SHISAL1: variants seen among roughly 807,000 people sequenced by gnomAD.
The protein encoded by SHISAL1 is protein shisa-like-1.
SHISAL1 carries 9 observed loss-of-function variants against 22.6 expected under a neutral mutation model. The ratio of observed to expected loss-of-function variants is 0.40; its 90% CI spans 0.24 to 0.70. SHISAL1 has a LOEUF of 0.70. Ranked by LOEUF, SHISAL1 falls within the 30% of genes least tolerant of loss-of-function variation. The probability of loss-of-function intolerance (pLI) is 0.39; values close to 1 mark genes in which losing one functional copy is unlikely to be tolerated. For missense variants in SHISAL1, 246 were observed against 270.6 expected (o/e 0.91, Z 0.64); for synonymous variants, 119 against 115.4 (o/e 1.03, Z -0.20).
the SHISAL1 span, among the ~76,000 whole-genome samples, chr22:44,330,645 C>T: frequency 1.3e-5 from 2 of 150,758 alleles, no homozygotes; most frequent in South Asian, 4.2e-4. Flanking sequence ...CGCCAGGACG[C>T]GCTGGCTTTT....
In SHISAL1 at chr22:44,289,412, C is replaced by T. The variant is rs149201744; in HGVS notation, c.282-3667G>A. On this transcript the variant is annotated intron_variant, in intron 3 of 4. Transcript: ENST00000381176. ...CCCACCCTCTACCAGGAACTGAGGG[C>T]GAGTCCCTGTCCTCCCTCCTTGGGG... Among the ~76,000 whole-genome samples the T allele has an allele frequency of 2.2e-4, 34 of 152,150 alleles. No homozygotes were observed. The East Asian group carries it at 5.8e-3, about 26-fold the overall frequency.
At chr22:44,304,773 C>G (rs1425644724) in intron 1 of SHISAL1, among the ~76,000 whole-genome samples, 1 of 152,148 alleles carries the variant, frequency 6.6e-6, no homozygotes, top group East Asian at 1.9e-4. Context: ...CCTGAGATGC[C>G]TCCCCCGTGC....
intron 4 of SHISAL1, among the ~76,000 whole-genome samples, chr22:44,284,579 G>C (rs1419808543): frequency 6.6e-6 from 1 of 152,132 alleles, no homozygotes; most frequent in Non-Finnish European, 1.5e-5. Context: ...GCCCATGGCT[G>C]CAGCTCAGCC....
At chr22:44,298,117 C>A (rs2147300167) in intron 2 of SHISAL1, among the ~76,000 whole-genome samples, 1 of 152,358 alleles carries the variant, frequency 6.6e-6, no homozygotes, top group East Asian at 1.9e-4. Flanking sequence ...GGCATGACCA[C>A]TGCGAGAGAA....
chr22:44,277,217 G>A (rs2055246078), intron 4 of SHISAL1, among the ~76,000 whole-genome samples: 1 of 152,220 alleles, frequency 6.6e-6, no homozygotes, highest in African/African-American at 2.4e-5. Context: ...GATGCCGGGA[G>A]AGGGATCCAA....
chr22:44,292,500 C>T (rs1267853241), intron 3 of SHISAL1, among the ~76,000 whole-genome samples: 1 of 152,194 alleles, frequency 6.6e-6, no homozygotes, highest in Admixed American at 6.5e-5. Context: ...GGGCCCAGCC[C>T]CTCCTTCCTC....
chr22:44,299,402 G>GA (rs2055410320), intron 2 of SHISAL1, among the ~76,000 whole-genome samples: 1 of 152,200 alleles, frequency 6.6e-6, no homozygotes, highest in Admixed American at 6.5e-5. Flanking sequence ...CTTTCCTTCT[G>GA]AGTGTCTCAC....
chr22:44,300,803 T>C (rs1015524955), intron 2 of SHISAL1, 76 bp downstream of exon 2: 16 of 1,299,422 alleles, frequency 1.2e-5, no homozygotes, highest in Non-Finnish European at 1.8e-5. Context: ...GAACCCCAGA[T>C]GGGCCAGCAC....
At chr22:44,316,171 C>A (rs899594181), upstream of SHISAL1, among the ~76,000 whole-genome samples, 3 of 152,160 alleles carry the variant, frequency 2.0e-5, no homozygotes, top group African/African-American at 7.2e-5. Context: ...AGCCAGGGAA[C>A]CCAGTTGGGA....
At chr22:44,305,541 A>G (rs1387931509) in intron 1 of SHISAL1, among the ~76,000 whole-genome samples, 3 of 152,338 alleles carry the variant, frequency 2.0e-5, no homozygotes, top group Admixed American at 6.5e-5. Flanking sequence ...AGGAAAGGAC[A>G]GTGTGCAGCC....
intron 1 of SHISAL1, among the ~76,000 whole-genome samples, chr22:44,303,883 C>T (rs1359910898): frequency 6.6e-6 from 1 of 152,178 alleles, no homozygotes; most frequent in African/African-American, 2.4e-5. Context: ...GCCCCACCTC[C>T]ACCATCTGCA....
intron 4 of SHISAL1, among the ~76,000 whole-genome samples, chr22:44,253,452 A>G: frequency 7.2e-6 from 1 of 137,998 alleles, no homozygotes; most frequent in Admixed American, 7.8e-5. Context: ...TTTTTTTGAG[A>G]CAGTGTCACT....
At chr22:44,308,761 C>T (rs1181476293) in intron 1 of SHISAL1, among the ~76,000 whole-genome samples, 2 of 152,052 alleles carry the variant, frequency 1.3e-5, no homozygotes, top group African/African-American at 4.8e-5. Flanking sequence ...GAGAACAGAG[C>T]ATGGGCTGCC....
chr22:44,288,647 A>G (rs1241579255), intron 3 of SHISAL1, among the ~76,000 whole-genome samples: 1 of 152,212 alleles, frequency 6.6e-6, no homozygotes, highest in African/African-American at 2.4e-5. Flanking sequence ...TCTCAAAAAA[A>G]GAAAAACAAA....
intron 4 of SHISAL1, among the ~76,000 whole-genome samples, chr22:44,278,517 G>A (rs1207725501): frequency 6.6e-6 from 1 of 152,234 alleles, no homozygotes; most frequent in Non-Finnish European, 1.5e-5. Flanking sequence ...GAGTGCTGAG[G>A]AGAAGGAGGT....
At chr22:44,289,306 G>A (rs1645997037) in intron 3 of SHISAL1, among the ~76,000 whole-genome samples, 1 of 152,168 alleles carries the variant, frequency 6.6e-6, no homozygotes, top group Non-Finnish European at 1.5e-5. Flanking sequence ...AGCTGATCTT[G>A]GGGGAATTCC....
intron 3 of SHISAL1, among the ~76,000 whole-genome samples, chr22:44,291,592 C>T (rs951785766): frequency 6.6e-6 from 1 of 152,088 alleles, no homozygotes; most frequent in Non-Finnish European, 1.5e-5. Flanking sequence ...AGGTTTCACG[C>T]GTGGCCAAGG....
chr22:44,309,400 C>T (rs1333650589), intron 1 of SHISAL1, among the ~76,000 whole-genome samples: 1 of 152,146 alleles, frequency 6.6e-6, no homozygotes, highest in African/African-American at 2.4e-5. Flanking sequence ...GGGTAGGCAG[C>T]GGCCCAGCAG....
chr22:44,253,081 GAGA>G (rs1225693427), intron 4 of SHISAL1, among the ~76,000 whole-genome samples: 1 of 151,998 alleles, frequency 6.6e-6, no homozygotes, highest in African/African-American at 2.4e-5. Context: ...GCACTATAGT[GAGA>G]AGTACTTAAT....
Sources: allele counts gnomAD v4.1 joint callset (sites outside exome capture counted in the v4.1 genomes callset), GRCh38; gene constraint gnomAD v4.1.1; transcripts MANE v1.5; gene names NCBI Gene and HGNC (gene_info 2026-07-23, HGNC 2026-07-21).